PTPRR: variants seen among roughly 807,000 people sequenced by gnomAD.
PTPRR encodes the protein protein tyrosine phosphatase receptor type R.
Under a neutral mutation model 77.2 loss-of-function variants are expected in PTPRR, and 38 were observed. That is an observed-to-expected ratio of 0.49 (90% CI 0.38 to 0.65). The LOEUF is 0.65. Ranked by LOEUF, PTPRR falls within the 30% of genes least tolerant of loss-of-function variation. The pLI is 0.00. For synonymous variants in PTPRR, 299 were observed against 283.1 expected, an observed-to-expected ratio of 1.06 and a Z score of -0.57; for missense variants, 744 against 799.2, an observed-to-expected ratio of 0.93 and a Z score of 0.83.
chr12:70,702,432 C>T (rs2063614), intron 6 of PTPRR, among the ~76,000 whole-genome samples: 3,582 of 152,032 alleles, frequency 0.024, 65 homozygotes, highest in African/African-American at 0.042. Context: ...GAAAAACAGG[C>T]CAAAATATGT....
At position 70,920,378 on chromosome 12, in the gene PTPRR, C is replaced by T. The variant is rs1489226983; in HGVS notation, c.13G>A (p.Val5Ile). Residue 5 changes from valine to isoleucine, a missense_variant, in exon 1 of 14, where the codon GTC (valine) becomes ATC (isoleucine). Physicochemically the swap from Val to Ile is conservative, Grantham distance 29. This residue lies in a region of PTPRR where 570 missense variants were observed against 573.2 expected (regional missense o/e 0.99). Transcript: ENST00000283228. ...AGCAGGCACAGCGCAGGGAAGCAGA[C>T]TGCTCTCCGCATAGTGTTTGCATTG... is the stretch of plus-strand genomic sequence containing the variant. The part of the protein sequence containing the change: MRRA[V>I]CFPALCLLLN... The T allele has an allele frequency of 6.2e-7, 1 of 1,613,554 alleles. No homozygotes were observed. The highest frequency in any genetic ancestry group is 8.5e-7 in the Non-Finnish European group (1 of 1,179,868).
chr12:70,862,957 T>C (rs1432056950), intron 2 of PTPRR, among the ~76,000 whole-genome samples: 1 of 152,080 alleles, frequency 6.6e-6, no homozygotes, highest in Non-Finnish European at 1.5e-5. Context: ...ACCATAGCAA[T>C]TGACAGATAA....
At chr12:70,857,190 C>T (rs140457609) in intron 2 of PTPRR, among the ~76,000 whole-genome samples, 91 of 152,088 alleles carry the variant, frequency 6.0e-4, no homozygotes, top group African/African-American at 2.2e-3. Flanking sequence ...TACATACAGT[C>T]AAAATAAAGG....
At chr12:70,697,271 G>T (rs1888262169) in intron 8 of PTPRR, among the ~76,000 whole-genome samples, 1 of 152,062 alleles carries the variant, frequency 6.6e-6, no homozygotes, top group Admixed American at 6.6e-5. Context: ...TATCCTCATG[G>T]ATATAAAGTA....
At chr12:70,698,744 A>G (rs547231610) in intron 7 of PTPRR, among the ~76,000 whole-genome samples, 1 of 152,306 alleles carries the variant, frequency 6.6e-6, no homozygotes, top group East Asian at 1.9e-4. Context: ...TTTTACTATA[A>G]TAGATTATCT....
At chr12:70,672,535 C>T (rs1887271950) in intron 10 of PTPRR, 1 of 1,303,922 alleles carries the variant, frequency 7.7e-7, no homozygotes, top group South Asian at 1.2e-5. Flanking sequence ...ACAGTGGCTG[C>T]TGGGAAAAAC....
At chr12:70,865,196 T>G (rs1216781227) in intron 2 of PTPRR, among the ~76,000 whole-genome samples, 1 of 146,656 alleles carries the variant, frequency 6.8e-6, no homozygotes, top group Non-Finnish European at 1.5e-5. Context: ...GACGTGCCTT[T>G]TGCCTTCTGA....
At chr12:70,724,327 A>T (rs1296033118) in intron 6 of PTPRR, among the ~76,000 whole-genome samples, 7 of 152,118 alleles carry the variant, frequency 4.6e-5, no homozygotes, top group Admixed American at 6.6e-5. Context: ...ACCCTTTAAG[A>T]CTGTGTCACC....
chr12:70,673,009 C>G (rs1228215819), intron 10 of PTPRR: 1 of 451,798 alleles, frequency 2.2e-6, no homozygotes, highest in African/African-American at 4.0e-5. Flanking sequence ...GAGCTCTCTT[C>G]AATAAATACG....
At chr12:70,815,517 G>C (rs1450581043) in intron 2 of PTPRR, among the ~76,000 whole-genome samples, 2 of 152,090 alleles carry the variant, frequency 1.3e-5, no homozygotes, top group African/African-American at 4.8e-5. Flanking sequence ...ATACCGAACG[G>C]TTTTAAAATG....
chr12:70,864,866 C>G (rs931562805), intron 2 of PTPRR, among the ~76,000 whole-genome samples: 2 of 152,150 alleles, frequency 1.3e-5, no homozygotes, highest in African/African-American at 4.8e-5. Context: ...GGCTAGAGTA[C>G]AGTGGTGGGA....
intron 1 of PTPRR, among the ~76,000 whole-genome samples, chr12:70,915,104 G>A (rs1893756497): frequency 6.6e-6 from 1 of 152,112 alleles, no homozygotes; most frequent in African/African-American, 2.4e-5. Flanking sequence ...AGAAATGGCT[G>A]GAGAAATAAG....
chr12:70,850,062 A>T (rs962862206), intron 2 of PTPRR, among the ~76,000 whole-genome samples: 1 of 152,010 alleles, frequency 6.6e-6, no homozygotes, highest in Non-Finnish European at 1.5e-5. Flanking sequence ...TTCTCTATTT[A>T]AAAAAAAGTA....
chr12:70,780,915 A>C (rs1891190247), intron 2 of PTPRR, among the ~76,000 whole-genome samples: 1 of 152,162 alleles, frequency 6.6e-6, no homozygotes, highest in South Asian at 2.1e-4. Context: ...AAGACCATAT[A>C]ATCTGGTCTG....
intron 2 of PTPRR, among the ~76,000 whole-genome samples, chr12:70,830,238 A>C (rs1022260040): frequency 1.3e-5 from 2 of 152,188 alleles, no homozygotes; most frequent in Non-Finnish European, 2.9e-5. Context: ...AAAATAAAAT[A>C]GATTATGCTG....
chr12:70,672,045 G>T, intron 10 of PTPRR: 1 of 1,317,620 alleles, frequency 7.6e-7, no homozygotes, highest in Non-Finnish European at 1.1e-6. Context: ...CCTCACTTGG[G>T]CCCAGAGATG....
chr12:70,721,563 T>C (rs1278991462), intron 6 of PTPRR, among the ~76,000 whole-genome samples: 2 of 152,038 alleles, frequency 1.3e-5, no homozygotes, highest in South Asian at 2.1e-4. Flanking sequence ...GGATTCTGTT[T>C]GGGTTCACCA....
intron 10 of PTPRR, among the ~76,000 whole-genome samples, chr12:70,679,449 G>C (rs940845270): frequency 3.3e-5 from 5 of 152,094 alleles, no homozygotes; most frequent in Admixed American, 1.3e-4. Flanking sequence ...TTTATTTTCT[G>C]TCTGGATGAT....
chr12:70,821,130 A>G (rs1231790370), intron 2 of PTPRR, among the ~76,000 whole-genome samples: 2 of 151,140 alleles, frequency 1.3e-5, no homozygotes, highest in Non-Finnish European at 2.9e-5. Flanking sequence ...GATGTCCTCC[A>G]AGAAAGGAGA....
Sources: allele counts gnomAD v4.1 joint callset (sites outside exome capture counted in the v4.1 genomes callset), GRCh38; gene constraint gnomAD v4.1.1; regional missense constraint gnomAD v4.1.1; transcripts MANE v1.5; gene names NCBI Gene and HGNC (gene_info 2026-07-23, HGNC 2026-07-21).